The following ARID2 variants were observed in gnomAD, a reference collection of about 807,000 sequenced individuals.
The protein encoded by ARID2 is AT-rich interaction domain 2, also known as AT-rich interactive domain-containing protein 2.
Under a neutral mutation model 184.6 loss-of-function variants are expected in ARID2, and 32 were observed. That is an observed-to-expected ratio of 0.17 (90% CI 0.13 to 0.23). The LOEUF is 0.23. Among genes scored for constraint, ARID2 ranks in the 10% least tolerant of loss-of-function variants. The pLI, the probability that ARID2 is intolerant of heterozygous loss-of-function variation, is 1.00. For missense variants in ARID2, 1,696 were observed against 2,197.6 expected (o/e 0.77, Z 4.56); for synonymous variants, 836 against 772.6 (o/e 1.08, Z -1.36).
intron 3 of ARID2, among the ~76,000 whole-genome samples, chr12:45,780,360 G>C (rs1375216807): frequency 6.6e-6 from 1 of 152,268 alleles, no homozygotes; most frequent in East Asian, 1.9e-4. Context: ...CTGCCTTTTG[G>C]GGGAGGAGTA....
chr12:45,877,620 A>G (rs1360984692), intron 16 of ARID2, among the ~76,000 whole-genome samples: 1 of 152,014 alleles, frequency 6.6e-6, no homozygotes, highest in Admixed American at 6.6e-5. Flanking sequence ...TCCATGGAAA[A>G]ATTGTCTTCC....
intron 3 of ARID2, among the ~76,000 whole-genome samples, chr12:45,754,190 A>G (rs1941520373): frequency 1.3e-5 from 2 of 152,188 alleles, no homozygotes; most frequent in South Asian, 2.1e-4. Context: ...AAGTAATAGT[A>G]TCAGGCAAAA....
rs1944505474 is a variant in ARID2 at position 45,904,954 on chromosome 12, A to G, written c.5384A>G (p.Asn1795Ser). Residue 1795 changes from asparagine to serine, a missense_variant, in exon 21 of 21, where the codon AAT becomes AGT. By Grantham distance (46) the Asn-to-Ser change is conservative (BLOSUM62 1). This residue lies in a region of ARID2 where 69 missense variants were observed against 118.2 expected (regional missense o/e 0.58). Coordinates refer to ENST00000334344, the MANE Select transcript of ARID2 (RefSeq NM_152641.4). ...CGRRLLKRHENNLSVLAISNM... is the reference protein window; with the variant it reads ...CGRRLLKRHESNLSVLAISNM... ...TGCAGATTGTTAAAGAGACATGAAA[A>G]TAACTTATCAGTGCTAGCCATTAGT... is the stretch of plus-strand genomic sequence containing the variant. 1 of 1,613,746 alleles carries G rather than the reference A, an allele frequency of 6.2e-7. No individual in the cohort carries two copies. Among genetic ancestry groups the G allele is most frequent in the Non-Finnish European group, 8.5e-7 (1 of 1,179,950 alleles).
chr12:45,800,019 T>C (rs1942466126), intron 3 of ARID2, among the ~76,000 whole-genome samples: 2 of 152,038 alleles, frequency 1.3e-5, no homozygotes, highest in African/African-American at 4.8e-5. Context: ...CTAGCCAATT[T>C]TTAAATTTTA....
intron 3 of ARID2, among the ~76,000 whole-genome samples, chr12:45,771,224 G>A (rs1016407164): frequency 3.3e-5 from 5 of 152,142 alleles, no homozygotes; most frequent in African/African-American, 9.7e-5. Context: ...CGGGCGTGGT[G>A]GCTCACGCCT....
chr12:45,846,684 A>G (rs547992133), intron 11 of ARID2, among the ~76,000 whole-genome samples, 172 bp from the exon 12 acceptor site: 2 of 152,234 alleles, frequency 1.3e-5, no homozygotes, highest in Admixed American at 1.3e-4. Context: ...CTGGTATGAT[A>G]TGTGCTCCAT....
chr12:45,886,240 A>G (rs978230888), intron 16 of ARID2, among the ~76,000 whole-genome samples: 8 of 152,060 alleles, frequency 5.3e-5, no homozygotes, highest in Non-Finnish European at 1.0e-4. Context: ...CCATAATCCA[A>G]TAGGGTAGTC....
chr12:45,842,321 G>GTA (rs1049296258), intron 11 of ARID2: 159 of 148,820 alleles, frequency 1.1e-3, no homozygotes, highest in African/African-American at 2.8e-3. Flanking sequence ...ACATGTATAT[G>GTA]TATATATATA....
At chr12:45,894,755 T>TTTAGTAACCATATGAGAATACCAGTA (rs1944347552) in intron 20 of ARID2, among the ~76,000 whole-genome samples, 1 of 152,118 alleles carries the variant, frequency 6.6e-6, no homozygotes, top group Non-Finnish European at 1.5e-5. Flanking sequence ...AATATAAAGG[T>TTTAGTAACCATATGAGAATACCAGTA]TTAGTAACCA....
chr12:45,796,105 TTAAC>T (rs1942387424), intron 3 of ARID2, among the ~76,000 whole-genome samples: 1 of 152,162 alleles, frequency 6.6e-6, no homozygotes, highest in Non-Finnish European at 1.5e-5. Flanking sequence ...GATTTATATC[TTAAC>T]TAAGTTTTTC....
chr12:45,746,115 T>C (rs76663886), intron 3 of ARID2, among the ~76,000 whole-genome samples: 3 of 151,538 alleles, frequency 2.0e-5, no homozygotes, highest in Non-Finnish European at 2.9e-5. Flanking sequence ...TTTTTTTTTT[T>C]CCTTTGGAGA....
At chr12:45,780,767 T>C (rs1942073999) in intron 3 of ARID2, among the ~76,000 whole-genome samples, 1 of 152,020 alleles carries the variant, frequency 6.6e-6, no homozygotes, top group Non-Finnish European at 1.5e-5. Context: ...TACAGGTGCC[T>C]GCCACCACGC....
chr12:45,835,382 T>C (rs1172671374), intron 6 of ARID2, among the ~76,000 whole-genome samples: 11 of 152,206 alleles, frequency 7.2e-5, no homozygotes, highest in Admixed American at 7.2e-4. Flanking sequence ...TTCTTTTTTA[T>C]TGCTACCAAA....
At chr12:45,890,687 A>G (rs1944287696) in intron 16 of ARID2, among the ~76,000 whole-genome samples, 1 of 152,212 alleles carries the variant, frequency 6.6e-6, no homozygotes, top group Non-Finnish European at 1.5e-5. Context: ...ACATTGTGTT[A>G]TATAATTCAG....
At chr12:45,890,067 A>C (rs1460198841) in intron 16 of ARID2, among the ~76,000 whole-genome samples, 1 of 152,234 alleles carries the variant, frequency 6.6e-6, no homozygotes, top group African/African-American at 2.4e-5. Context: ...CCACCACAAC[A>C]ATCAATGAAT....
At chr12:45,854,945 G>C (rs887829758) in intron 15 of ARID2, among the ~76,000 whole-genome samples, 12 of 152,170 alleles carry the variant, frequency 7.9e-5, no homozygotes, top group African/African-American at 2.9e-4. Flanking sequence ...CTAATATGAG[G>C]TGGTACCAGG....
intron 6 of ARID2, among the ~76,000 whole-genome samples, chr12:45,833,851 AACTTAAT>A (rs1565613871): frequency 6.6e-6 from 1 of 152,204 alleles, no homozygotes; most frequent in Non-Finnish European, 1.5e-5. Context: ...ACATCTGTGT[AACTTAAT>A]ACTTAGCAAT....
Position 45,905,041 on chromosome 12 carries a change from G to T in ARID2, c.5471G>T (p.Ser1824Ile). 1 of 1,613,906 alleles carries T rather than the reference G, an allele frequency of 6.2e-7. No individual in the cohort carries two copies. The highest frequency in any genetic ancestry group is 8.5e-7 in the Non-Finnish European group (1 of 1,179,936). ...TATGAACTTAATTTTACAGTTCAGAGTAAGGAACAAGAAAAAGACTCAGAA... is the reference window on the plus strand; with the variant it reads ...TATGAACTTAATTTTACAGTTCAGATTAAGGAACAAGAAAAAGACTCAGAA... ...CLYELNFTVQSKEQEKDSEML... is the reference protein window; with the variant it reads ...CLYELNFTVQIKEQEKDSEML... The change falls in exon 21 of 21, where the codon AGT (serine) becomes ATT (isoleucine). Residue 1824 changes from serine (S) to isoleucine (I), a missense_variant. Physicochemically the swap from Ser to Ile is moderately radical, Grantham distance 142 (BLOSUM62 -2). This residue lies in a region of ARID2 where 69 missense variants were observed against 118.2 expected (regional missense o/e 0.58). Coordinates refer to ENST00000334344, the MANE Select transcript of ARID2 (RefSeq NM_152641.4).
intron 3 of ARID2, among the ~76,000 whole-genome samples, chr12:45,795,702 C>CTA (rs1942380474): frequency 6.6e-6 from 1 of 151,884 alleles, no homozygotes; most frequent in African/African-American, 2.4e-5. Flanking sequence ...TCCCAAAGTG[C>CTA]TGGGATTATA....
Sources: gnomAD v4.1 joint callset for allele counts (sites outside exome capture counted in the v4.1 genomes callset) on GRCh38, gnomAD v4.1.1 for gene constraint, gnomAD v4.1.1 regional missense constraint, MANE v1.5 for transcripts, NCBI Gene and HGNC (gene_info 2026-07-23, HGNC 2026-07-21) for gene names.